Variants in ABCA3 observed in about 807,000 individuals in gnomAD.
The protein encoded by ABCA3 is phospholipid-transporting ATPase ABCA3.
Under a neutral mutation model 172.8 loss-of-function variants are expected in ABCA3, and 88 were observed. The ratio of observed to expected loss-of-function variants is 0.51; its 90% CI spans 0.43 to 0.61. The LOEUF (loss-of-function observed/expected upper bound fraction) is 0.61. ABCA3 is among the 20% of genes least tolerant of loss of function. The probability of loss-of-function intolerance (pLI) is 0.00; values close to 1 mark genes in which losing one functional copy is unlikely to be tolerated. For synonymous variants in ABCA3, 1,066 were observed against 983.8 expected (o/e 1.08, Z -1.56); for missense variants, 2,164 against 2,301.0 (o/e 0.94, Z 1.22).
intron 7 of ABCA3, among the ~76,000 whole-genome samples, chr16:2,323,079 G>C (rs1351424885): frequency 6.6e-6 from 1 of 152,194 alleles, no homozygotes; most frequent in African/African-American, 2.4e-5. Context: ...GGCCATCAGA[G>C]AAATGCAAAT....
At position 2,283,085 on chromosome 16, in the gene ABCA3, G is replaced by A; in HGVS notation, c.4035+101C>T. On this transcript the variant is annotated intron_variant, in intron 26 of 32. Transcript: ENST00000301732. This position sits in a 1 kb window ranked among gnomAD's most constrained non-coding sequence, Gnocchi z 5.4. ...TGGGAGACCATCTGGTGCAGGAGCT[G>A]CCTGGTGGAGAAGGAGGTGGAGCTG... The A allele has an allele frequency of 1.5e-6, 2 of 1,309,178 alleles. No homozygotes were observed. Among genetic ancestry groups the A allele is most frequent in the East Asian group, 2.5e-5 (1 of 40,012 alleles). 81.1% of individuals were successfully genotyped at this position (1,309,178 alleles called of 1,614,324 possible).
intron 2 of ABCA3, among the ~76,000 whole-genome samples, chr16:2,329,018 G>C (rs2093738983): frequency 6.8e-6 from 1 of 146,806 alleles, no homozygotes; most frequent in Non-Finnish European, 1.5e-5. Context: ...TTTAAGATGT[G>C]GCTGTTGATA....
rs762793267 is a variant in ABCA3 at position 2,285,535 on chromosome 16, C to T, written c.3390G>A (p.Val1130=). ...VSERAVQAKH[V]QFVSGVHVAS... is the part of the protein sequence containing the mutation. The stretch of plus-strand genomic sequence containing the variant: ...CCACGTGGACTCCACTCACAAACTG[C>T]ACATGCTTGGCCTGCACGGCCCTCT... The change falls in exon 23 of 33, where the codon GTG becomes GTA. Residue 1130 remains valine (V), a synonymous_variant. Transcript: ENST00000301732. The surrounding 1 kb of genome is among the most constrained non-coding windows in gnomAD (Gnocchi z 4.7). 14 of 1,603,934 alleles carry T rather than the reference C, an allele frequency of 8.7e-6. No homozygotes were observed. In the South Asian group the frequency reaches 1.0e-4, roughly 12 times the overall value.
chr16:2,335,060 C>G (rs1055362378), intron 1 of ABCA3, among the ~76,000 whole-genome samples: 2 of 152,056 alleles, frequency 1.3e-5, no homozygotes, highest in South Asian at 2.1e-4. Context: ...AACTCCTGAC[C>G]TCAAGTGATC....
chr16:2,282,862 C>A (rs1420287073), intron 26 of ABCA3, among the ~76,000 whole-genome samples: 5 of 144,488 alleles, frequency 3.5e-5, no homozygotes, highest in Admixed American at 3.4e-4. Flanking sequence ...CTCTGCTCAG[C>A]AGGACTGGGC....
In ABCA3 at chr16:2,317,755, G is replaced by C. The variant is rs755104182; in HGVS notation, c.883C>G (p.Arg295Gly). 6.2e-7 allele frequency: 1 copy of C among 1,614,120 alleles called. No individual in the cohort carries two copies. Among genetic ancestry groups the C allele is most frequent in the South Asian group, 1.1e-5 (1 of 91,084 alleles). Residue 295 changes from arginine to glycine, a missense_variant, in exon 9 of 33, where the codon CGC becomes GGC. By Grantham distance (125) the Arg-to-Gly change is moderately radical. Around this residue, in one of 3 missense-constraint regions of ABCA3, gnomAD observed 1,343 missense variants for 1,369.6 expected, o/e 0.98. Transcript: ENST00000301732. ...AGCCAGCTGCTGAGCCCCATCATGCGCATGTACTCCTGGGGAGAGAAGCCA... is the reference window on the plus strand; with the variant it reads ...AGCCAGCTGCTGAGCCCCATCATGCCCATGTACTCCTGGGGAGAGAAGCCA... ...EKERRLKEYM[R>G]MMGLSSWLHW...
Position 2,287,905 on chromosome 16 carries a change from A to G in ABCA3, c.3004+121T>C. The G allele has an allele frequency of 8.0e-7, 1 of 1,256,950 alleles. No homozygotes were observed. Among genetic ancestry groups the G allele is most frequent in the Non-Finnish European group, 1.1e-6 (1 of 899,794 alleles). 77.9% of individuals were successfully genotyped at this position (1,256,950 alleles called of 1,614,324 possible). ...GGGATGCTGCTGAACCTCCCTCAGTACATTCGGAACAGCCAAGAACCATCC... is the reference window on the plus strand; with the variant it reads ...GGGATGCTGCTGAACCTCCCTCAGTGCATTCGGAACAGCCAAGAACCATCC... On this transcript the variant is annotated intron_variant, in intron 21 of 32. Coordinates refer to ENST00000301732, the MANE Select transcript of ABCA3 (RefSeq NM_001089.3). This position sits in a 1 kb window ranked among gnomAD's most constrained non-coding sequence, Gnocchi z 4.1.
At chr16:2,337,381 T>A (rs1057508175) in intron 1 of ABCA3, among the ~76,000 whole-genome samples, 3 of 151,728 alleles carry the variant, frequency 2.0e-5, no homozygotes, top group African/African-American at 7.3e-5. Flanking sequence ...AGGCCTTTTT[T>A]TTTTTTTCAT....
Position 2,285,036 on chromosome 16 carries a change from G to A in ABCA3, c.3484-38C>T. On this transcript the variant is annotated intron_variant, in intron 23 of 32. Transcript: ENST00000301732. This position sits in a 1 kb window ranked among gnomAD's most constrained non-coding sequence, Gnocchi z 4.7. ...AGGGAGGCGCTGCTGTGCATGCCAA[G>A]CTGAGAGGAGCTCACGGGTAGGGAA... 1.3e-6 allele frequency: 2 copies of A among 1,597,906 alleles called. No individual in the cohort carries two copies. Among genetic ancestry groups the A allele is most frequent in the South Asian group, 1.1e-5 (1 of 89,822 alleles).
chr16:2,291,263 T>C (rs1157680964), intron 19 of ABCA3, among the ~76,000 whole-genome samples: 1 of 151,444 alleles, frequency 6.6e-6, no homozygotes, highest in East Asian at 1.9e-4. Flanking sequence ...GAGGCAGAGG[T>C]TGCAGTGAGC....
chr16:2,297,315 G>T lies in ABCA3; in HGVS notation c.2263+14C>A. On this transcript the variant is annotated intron_variant, in intron 17 of 32. Coordinates refer to ENST00000301732, the MANE Select transcript of ABCA3 (RefSeq NM_001089.3). The surrounding 1 kb of genome is among the most constrained non-coding windows in gnomAD (Gnocchi z 5.6). Reference sequence around the variant, plus strand: ...AGGACACCGACCCTGTCGCGGGCTGGCCCCACCGCTCACCGTATTTCTGCT... The same window carrying T: ...AGGACACCGACCCTGTCGCGGGCTGTCCCCACCGCTCACCGTATTTCTGCT... The T allele has an allele frequency of 6.2e-7, 1 of 1,608,734 alleles. No homozygotes were observed. The highest frequency in any genetic ancestry group is 1.1e-5 in the South Asian group (1 of 90,978).
chr16:2,285,020 C>G lies in ABCA3; in HGVS notation c.3484-22G>C, dbSNP rs1250163496. On this transcript the variant is annotated intron_variant, in intron 23 of 32. Coordinates refer to ENST00000301732, the MANE Select transcript of ABCA3 (RefSeq NM_001089.3). The surrounding 1 kb of genome is among the most constrained non-coding windows in gnomAD (Gnocchi z 4.7). The stretch of plus-strand genomic sequence containing the variant: ...CCACCTGCGGCGGCACAGGGAGGCG[C>G]TGCTGTGCATGCCAAGCTGAGAGGA... The G allele has an allele frequency of 9.3e-6, 15 of 1,608,392 alleles. No homozygotes were observed. The highest frequency in any genetic ancestry group is 1.2e-5 in the Non-Finnish European group (14 of 1,178,386).
intron 7 of ABCA3, among the ~76,000 whole-genome samples, chr16:2,320,985 C>CTT (rs368507865): frequency 0.026 from 3,557 of 135,956 alleles, 86 homozygotes; most frequent in African/African-American, 0.057. Flanking sequence ...CTGCTATGTG[C>CTT]TTTTTTTTTT....
chr16:2,276,535 A>T lies in ABCA3; in HGVS notation c.*139T>A. ...GGCTGCACTCGTCCATTCTGTGCAT[A>T]CTGCCTTGAATTTTTCATATCCATC... On this transcript the variant is annotated 3_prime_UTR_variant, in exon 33 of 33. Coordinates refer to ENST00000301732, the MANE Select transcript of ABCA3 (RefSeq NM_001089.3). 7.1e-7 allele frequency: 1 copy of T among 1,404,088 alleles called. No homozygotes were observed. The highest frequency in any genetic ancestry group is 9.6e-7 in the Non-Finnish European group (1 of 1,038,406). 87.0% of individuals were successfully genotyped at this position (1,404,088 alleles called of 1,614,324 possible).
At chr16:2,315,650 G>C (rs368706308) in intron 10 of ABCA3, among the ~76,000 whole-genome samples, 15 of 152,032 alleles carry the variant, frequency 9.9e-5, no homozygotes, top group African/African-American at 3.6e-4. Flanking sequence ...TGTCACATAG[G>C]AAGTAACTGC....
chr16:2,294,647 T>C (rs2093677084), intron 18 of ABCA3, among the ~76,000 whole-genome samples: 1 of 152,134 alleles, frequency 6.6e-6, no homozygotes, highest in Non-Finnish European at 1.5e-5. Context: ...ATTGCACCAC[T>C]GCACTCCAGC....
chr16:2,292,821 G>A (rs903228857), intron 18 of ABCA3, among the ~76,000 whole-genome samples: 3 of 151,492 alleles, frequency 2.0e-5, no homozygotes, highest in African/African-American at 4.8e-5. Context: ...CAGTCATGGC[G>A]GCTTGTGCCT....
At position 2,278,135 on chromosome 16, in the gene ABCA3, T is replaced by G; in HGVS notation, c.4719-66A>C. On this transcript the variant is annotated intron_variant, in intron 30 of 32. Coordinates refer to ENST00000301732, the MANE Select transcript of ABCA3 (RefSeq NM_001089.3). This position sits in a 1 kb window ranked among gnomAD's most constrained non-coding sequence, Gnocchi z 4.4. ...AAAGGCTTGTGCAGACAGGAAGGCA[T>G]TGGCTCTCCGATCAGGCTGTTCCTG... The G allele has an allele frequency of 6.2e-7, 1 of 1,606,920 alleles. No individual in the cohort carries two copies.
At chr16:2,340,284 C>A (rs2093758642) in intron 1 of ABCA3, among the ~76,000 whole-genome samples, 1 of 152,090 alleles carries the variant, frequency 6.6e-6, no homozygotes. Context: ...CCGCGCGGCG[C>A]GGGCTCAGGC....
Sources: allele counts gnomAD v4.1 joint callset (sites outside exome capture counted in the v4.1 genomes callset), GRCh38; gene constraint gnomAD v4.1.1; regional missense constraint gnomAD v4.1.1; non-coding constraint Gnocchi (gnomAD v3.1); transcripts MANE v1.5; gene names NCBI Gene and HGNC (gene_info 2026-07-23, HGNC 2026-07-21).